Variants in NANOS1 observed in about 807,000 individuals in gnomAD.
NANOS1 encodes the protein nanos homolog 1.
NANOS1 carries 1 observed loss-of-function variant against 1.1 expected under a neutral mutation model. The ratio of observed to expected loss-of-function variants is 0.88; its 90% CI spans 0.31 to 4.20. The LOEUF is 4.20. Among genes scored for constraint, NANOS1 ranks in the 30% most tolerant of loss-of-function variants. The pLI is 0.17. For missense variants in NANOS1, 537 were observed against 457.9 expected, an observed-to-expected ratio of 1.17 and a Z score of -1.58; for synonymous variants, 252 against 230.6, an observed-to-expected ratio of 1.09 and a Z score of -0.84.
Position 119,029,793 on chromosome 10 carries a change from A to AGCCCGCC in NANOS1, c.-8_-2dup. The AGCCCGCC allele has an allele frequency of 4.8e-6, 5 of 1,035,900 alleles. No homozygotes were observed. The highest frequency in any genetic ancestry group is 5.8e-6 in the Non-Finnish European group (5 of 864,568). The allele number at this position is 1,035,900 out of a possible 1,614,324, so 64.2% of individuals were successfully genotyped here. ...GGCGGGGAGGCGGCGCGCGGCCCGC[A>AGCCCGCC]GCCCGCCCATGGAGGCTTTCCCCTG... On this transcript the variant is annotated 5_prime_UTR_variant, in exon 1 of 1. Transcript: ENST00000425699.
chr10:119,030,880 C>T lies in NANOS1; in HGVS notation c.*200C>T. On this transcript the variant is annotated 3_prime_UTR_variant, in exon 1 of 1. Coordinates refer to ENST00000425699, the MANE Select transcript of NANOS1 (RefSeq NM_199461.4). The surrounding 1 kb of genome is among the most constrained non-coding windows in gnomAD (Gnocchi z 5.3). ...GATTGGGACTAGACGCTGAAATCCC[C>T]ATTTGTCTTCAGTTTCTAGTTTGCA... is the stretch of plus-strand genomic sequence containing the variant. 2 of 721,552 alleles carry T rather than the reference C, an allele frequency of 2.8e-6. No homozygotes were observed. The highest frequency in any genetic ancestry group is 9.6e-4 in the Middle Eastern group (2 of 2,088). 44.7% of individuals were successfully genotyped at this position (721,552 alleles called of 1,614,324 possible).
chr10:119,029,900 C>A lies in NANOS1; in HGVS notation c.99C>A (p.Gly33=), dbSNP rs1307659012. The A allele has an allele frequency of 7.2e-7, 1 of 1,386,294 alleles. No individual in the cohort carries two copies. The highest frequency in any genetic ancestry group is 9.4e-7 in the Non-Finnish European group (1 of 1,065,994). The allele number at this position is 1,386,294 out of a possible 1,614,324, so 85.9% of individuals were successfully genotyped here. A position where few individuals can be genotyped will look rare whatever the true frequency, so the allele number is the denominator to read the frequency against. The stretch of plus-strand genomic sequence containing the variant: ...GCGCCCGCTACGTGAGCGCCCCGGG[C>A]CCGGCGCACCCGCAGCCCTTCAGCT... The part of the protein sequence containing the change: ...VPSARYVSAP[G]PAHPQPFSSW... Residue 33 remains glycine (G), a synonymous_variant, in exon 1 of 1, where the codon GGC becomes GGA. Transcript: ENST00000425699.
chr10:119,033,396 AC>A lies in NANOS1; in HGVS notation c.*2717del, dbSNP rs1484372636. 1.8e-5 allele frequency: 3 copies of A among 167,140 alleles called. No individual in the cohort carries two copies. The allele number at this position is 167,140 out of a possible 1,614,324, so 10.4% of individuals were successfully genotyped here. On this transcript the variant is annotated 3_prime_UTR_variant, in exon 1 of 1. Transcript: ENST00000425699. ...GGAACTTTAAACATTTTGCAAAATT[AC>A]ATTTAGAGAAACCCAATTTTTCAAA...
chr10:119,031,409 G>A lies in NANOS1; in HGVS notation c.*729G>A, dbSNP rs762227738. On this transcript the variant is annotated 3_prime_UTR_variant, in exon 1 of 1. Transcript: ENST00000425699. ...TATTTTATTACTGAACTAGCAACTA[G>A]CCTTTTCCACCTTTAAAAGTTGTGC... is the stretch of plus-strand genomic sequence containing the variant. The A allele has an allele frequency of 6.0e-6, 1 of 167,062 alleles. No individual in the cohort carries two copies. Among genetic ancestry groups the A allele is most frequent in the Non-Finnish European group, 1.5e-5 (1 of 68,120 alleles). The allele number at this position is 167,062 out of a possible 1,614,324, so 10.3% of individuals were successfully genotyped here.
In NANOS1 at chr10:119,031,684, A is replaced by G. The variant is rs1688154852; in HGVS notation, c.*1004A>G. ...CAGGGTTCCTAGTGGAGGAAAGCCC[A>G]TTCCAGCTGTTGCCTGTCAAACAAA... is the stretch of plus-strand genomic sequence containing the variant. On this transcript the variant is annotated 3_prime_UTR_variant, in exon 1 of 1. Coordinates refer to ENST00000425699, the MANE Select transcript of NANOS1 (RefSeq NM_199461.4). 1 of 166,992 alleles carries G rather than the reference A, an allele frequency of 6.0e-6. No homozygotes were observed. The highest frequency in any genetic ancestry group is 1.5e-5 in the Non-Finnish European group (1 of 68,122). 10.3% of individuals were successfully genotyped at this position (166,992 alleles called of 1,614,324 possible).
Position 119,030,300 on chromosome 10 carries a change from CCCG to C in NANOS1, c.517_519del (p.Ala173del), listed in dbSNP as rs538539239. On this transcript the variant is annotated inframe_deletion, in exon 1 of 1. Coordinates refer to ENST00000425699, the MANE Select transcript of NANOS1 (RefSeq NM_199461.4). This position sits in a 1 kb window ranked among gnomAD's most constrained non-coding sequence, Gnocchi z 5.3. ...CGCCGCCGTGCTGCTGGGCTGCGCG[CCCG>C]CCGCCGCCGCCGCCGCCACCACCAC... 1,654 of 1,137,094 alleles carry C rather than the reference CCCG, an allele frequency of 1.5e-3. No homozygotes were observed. Among genetic ancestry groups the C allele is most frequent in the East Asian group, 5.3e-3 (125 of 23,716 alleles). The allele number at this position is 1,137,094 out of a possible 1,614,324, so 70.4% of individuals were successfully genotyped here.
chr10:119,030,662 T>G lies in NANOS1; in HGVS notation c.861T>G (p.Pro287=). The change falls in exon 1 of 1, where the codon CCT becomes CCG. Residue 287 remains proline, a synonymous_variant. Transcript: ENST00000425699. The surrounding 1 kb of genome is among the most constrained non-coding windows in gnomAD (Gnocchi z 5.3). ...CCCGCAGCGCCAGGGACGGCCCGCCTGGCAAGAAGCTGCGCTGAAGGCCCG... is the reference window on the plus strand; with the variant it reads ...CCCGCAGCGCCAGGGACGGCCCGCCGGGCAAGAAGCTGCGCTGAAGGCCCG... ...PPPRSARDGP[P]GKKLR is the part of the protein sequence containing the mutation. 7.3e-7 allele frequency: 1 copy of G among 1,378,698 alleles called. No homozygotes were observed. Among genetic ancestry groups the G allele is most frequent in the Non-Finnish European group, 9.4e-7 (1 of 1,064,292 alleles). The allele number at this position is 1,378,698 out of a possible 1,614,324, so 85.4% of individuals were successfully genotyped here. A position where few individuals can be genotyped will look rare whatever the true frequency, so the allele number is the denominator to read the frequency against.
rs2119808402 is a variant in NANOS1 at position 119,030,376 on chromosome 10, A to G, written c.575A>G (p.Glu192Gly). 6 of 988,140 alleles carry G rather than the reference A, an allele frequency of 6.1e-6. No individual in the cohort carries two copies. Among genetic ancestry groups the G allele is most frequent in the East Asian group, 9.4e-5 (1 of 10,690 alleles). 61.2% of individuals were successfully genotyped at this position (988,140 alleles called of 1,614,324 possible). A position where few individuals can be genotyped will look rare whatever the true frequency, so the allele number is the denominator to read the frequency against. The change falls in exon 1 of 1, where the codon GAG becomes GGG. Residue 192 changes from glutamate (E) to glycine (G), a missense_variant. Physicochemically the swap from Glu to Gly is moderately conservative, Grantham distance 98. Coordinates refer to ENST00000425699, the MANE Select transcript of NANOS1 (RefSeq NM_199461.4). The surrounding 1 kb of genome is among the most constrained non-coding windows in gnomAD (Gnocchi z 5.3). ...GAGCGGGCCCCGGCGTGGGCGGCCG[A>G]GCCCCGGCTGCACGCGGCCTCCGGG... Reference protein sequence around the residue: ...REERAPAWAAEPRLHAASGAA... With the variant: ...REERAPAWAAGPRLHAASGAA...
At position 119,031,253 on chromosome 10, in the gene NANOS1, T is replaced by G. The variant is rs558869775; in HGVS notation, c.*573T>G. ...GCATCACCCTTATGAGAAGTGAAGGTTTTGTAAACTTTCCAGTATTAATTT... is the reference window on the plus strand; with the variant it reads ...GCATCACCCTTATGAGAAGTGAAGGGTTTGTAAACTTTCCAGTATTAATTT... On this transcript the variant is annotated 3_prime_UTR_variant, in exon 1 of 1. Transcript: ENST00000425699. 1.0e-4 allele frequency: 17 copies of G among 167,178 alleles called. No homozygotes were observed. The highest frequency in any genetic ancestry group is 4.1e-4 in the African/African-American group (17 of 41,574). The allele number at this position is 167,178 out of a possible 1,614,324, so 10.4% of individuals were successfully genotyped here.
At position 119,031,170 on chromosome 10, in the gene NANOS1, T is replaced by G; in HGVS notation, c.*490T>G. On this transcript the variant is annotated 3_prime_UTR_variant, in exon 1 of 1. Transcript: ENST00000425699. Reference sequence around the variant, plus strand: ...TTTTATTGTTTGAAGCGAGTTAATATTCTCAGTTGTCTTTAAAAATCAGTT... The same window carrying G: ...TTTTATTGTTTGAAGCGAGTTAATAGTCTCAGTTGTCTTTAAAAATCAGTT... 6.0e-6 allele frequency: 1 copy of G among 167,918 alleles called. No homozygotes were observed. The highest frequency in any genetic ancestry group is 1.5e-5 in the Non-Finnish European group (1 of 68,610). 10.4% of individuals were successfully genotyped at this position (167,918 alleles called of 1,614,324 possible). A position where few individuals can be genotyped will look rare whatever the true frequency, so the allele number is the denominator to read the frequency against.
rs994110436 is a variant in NANOS1 at position 119,031,456 on chromosome 10, A to G, written c.*776A>G. 1 of 167,134 alleles carries G rather than the reference A, an allele frequency of 6.0e-6. No individual in the cohort carries two copies. Among genetic ancestry groups the G allele is most frequent in the Non-Finnish European group, 1.5e-5 (1 of 68,136 alleles). The allele number at this position is 167,134 out of a possible 1,614,324, so 10.4% of individuals were successfully genotyped here. A position where few individuals can be genotyped will look rare whatever the true frequency, so the allele number is the denominator to read the frequency against. Reference sequence around the variant, plus strand: ...GTGCCAAGTCATAATCATATTGTGTATAACTTGGAAATGGTGCTGTTTAAA... The same window carrying G: ...GTGCCAAGTCATAATCATATTGTGTGTAACTTGGAAATGGTGCTGTTTAAA... On this transcript the variant is annotated 3_prime_UTR_variant, in exon 1 of 1. Transcript: ENST00000425699.
rs566015656 is a variant in NANOS1 at position 119,032,345 on chromosome 10, T to C, written c.*1665T>C. The C allele has an allele frequency of 6.0e-6, 1 of 167,008 alleles. No homozygotes were observed. The highest frequency in any genetic ancestry group is 1.5e-5 in the Non-Finnish European group (1 of 68,120). The allele number at this position is 167,008 out of a possible 1,614,324, so 10.3% of individuals were successfully genotyped here. Reference sequence around the variant, plus strand: ...GGGGGGCAGGAGGAAAGCACAATGTTTCTTAGCCAGGAAAGACAAATAATC... The same window carrying C: ...GGGGGGCAGGAGGAAAGCACAATGTCTCTTAGCCAGGAAAGACAAATAATC... On this transcript the variant is annotated 3_prime_UTR_variant, in exon 1 of 1. Coordinates refer to ENST00000425699, the MANE Select transcript of NANOS1 (RefSeq NM_199461.4).
rs1564744988 is a variant in NANOS1 at position 119,030,614 on chromosome 10, G to T, written c.813G>T (p.Pro271=). The T allele has an allele frequency of 1.4e-6, 2 of 1,473,792 alleles. No individual in the cohort carries two copies. The highest frequency in any genetic ancestry group is 1.8e-6 in the Non-Finnish European group (2 of 1,114,540). The allele number at this position is 1,473,792 out of a possible 1,614,324, so 91.3% of individuals were successfully genotyped here. Residue 271 remains proline, a synonymous_variant, in exon 1 of 1, where the codon CCG becomes CCT. Coordinates refer to ENST00000425699, the MANE Select transcript of NANOS1 (RefSeq NM_199461.4). The surrounding 1 kb of genome is among the most constrained non-coding windows in gnomAD (Gnocchi z 5.3). ...TIKYCPLSKV[P]PPPARPPPRS... is the part of the protein sequence containing the mutation. The stretch of plus-strand genomic sequence containing the variant: ...AGTACTGCCCGCTCTCCAAAGTGCC[G>T]CCGCCGCCCGCCCGCCCGCCGCCCC...
Position 119,030,665 on chromosome 10 carries a change from C to G in NANOS1, c.864C>G (p.Gly288=). Residue 288 remains glycine, a synonymous_variant, in exon 1 of 1, where the codon GGC becomes GGG. Transcript: ENST00000425699. This position sits in a 1 kb window ranked among gnomAD's most constrained non-coding sequence, Gnocchi z 5.3. ...PPRSARDGPP[G]KKLR is the part of the protein sequence containing the mutation. Reference sequence around the variant, plus strand: ...GCAGCGCCAGGGACGGCCCGCCTGGCAAGAAGCTGCGCTGAAGGCCCGGGC... The same window carrying G: ...GCAGCGCCAGGGACGGCCCGCCTGGGAAGAAGCTGCGCTGAAGGCCCGGGC... 7.3e-7 allele frequency: 1 copy of G among 1,365,402 alleles called. No individual in the cohort carries two copies. Among genetic ancestry groups the G allele is most frequent in the African/African-American group, 1.5e-5 (1 of 66,544 alleles). 84.6% of individuals were successfully genotyped at this position (1,365,402 alleles called of 1,614,324 possible). A position where few individuals can be genotyped will look rare whatever the true frequency, so the allele number is the denominator to read the frequency against.
Position 119,030,904 on chromosome 10 carries a change from C to G in NANOS1, c.*224C>G. ...CCATTTGTCTTCAGTTTCTAGTTTG[C>G]ACATCCAGAACGGCGAAGGCTGGGT... is the stretch of plus-strand genomic sequence containing the variant. On this transcript the variant is annotated 3_prime_UTR_variant, in exon 1 of 1. Transcript: ENST00000425699. The surrounding 1 kb of genome is among the most constrained non-coding windows in gnomAD (Gnocchi z 5.3). The G allele has an allele frequency of 1.7e-6, 1 of 596,770 alleles. No individual in the cohort carries two copies. The highest frequency in any genetic ancestry group is 2.5e-6 in the Non-Finnish European group (1 of 405,862). The allele number at this position is 596,770 out of a possible 1,614,324, so 37.0% of individuals were successfully genotyped here.
At position 119,030,104 on chromosome 10, in the gene NANOS1, G is replaced by T. The variant is rs536896945; in HGVS notation, c.303G>T (p.Gly101=). 1.9e-5 allele frequency: 25 copies of T among 1,323,118 alleles called. No homozygotes were observed. The highest frequency in any genetic ancestry group is 4.8e-6 in the Non-Finnish European group (5 of 1,041,978). The allele number at this position is 1,323,118 out of a possible 1,614,324, so 82.0% of individuals were successfully genotyped here. Residue 101 remains glycine (G), a synonymous_variant, in exon 1 of 1, where the codon GGG becomes GGT. Coordinates refer to ENST00000425699, the MANE Select transcript of NANOS1 (RefSeq NM_199461.4). This position sits in a 1 kb window ranked among gnomAD's most constrained non-coding sequence, Gnocchi z 5.3. ...CTGGGGCGCTGGGGCCGGCGCTGGG[G>T]CCGCCCGACTACGACGAGGACGACG... ...AGPGALGPAL[G]PPDYDEDDDD...
At position 119,029,870 on chromosome 10, in the gene NANOS1, G is replaced by T; in HGVS notation, c.69G>T (p.Val23=). ...RGRAPPPMAL[V]PSARYVSAPG... is the part of the protein sequence containing the mutation. ...GCGCCCCCCCGCCCATGGCGCTCGT[G>T]CCCAGCGCCCGCTACGTGAGCGCCC... Residue 23 remains valine (V), a synonymous_variant, in exon 1 of 1, where the codon GTG becomes GTT. Transcript: ENST00000425699. The T allele has an allele frequency of 7.8e-7, 1 of 1,279,972 alleles. No individual in the cohort carries two copies. Among genetic ancestry groups the T allele is most frequent in the Non-Finnish European group, 9.8e-7 (1 of 1,016,934 alleles). 79.3% of individuals were successfully genotyped at this position (1,279,972 alleles called of 1,614,324 possible). A position where few individuals can be genotyped will look rare whatever the true frequency, so the allele number is the denominator to read the frequency against.
Position 119,030,189 on chromosome 10 carries a change from C to CGCGCGCTGGAGCTGT in NANOS1, c.394_408dup (p.Leu132_Ala136dup). On this transcript the variant is annotated inframe_insertion, in exon 1 of 1. Coordinates refer to ENST00000425699, the MANE Select transcript of NANOS1 (RefSeq NM_199461.4). This position sits in a 1 kb window ranked among gnomAD's most constrained non-coding sequence, Gnocchi z 5.3. ...CTACCTGGGGAGCGCGCTGGAATTGCGCGCGCTGGAGCTGTGCGCGGGCCC... is the reference window on the plus strand; with the variant it reads ...CTACCTGGGGAGCGCGCTGGAATTGCGCGCGCTGGAGCTGTGCGCGCTGGAGCTGTGCGCGGGCCC... The CGCGCGCTGGAGCTGT allele has an allele frequency of 7.5e-7, 1 of 1,339,060 alleles. No individual in the cohort carries two copies. Among genetic ancestry groups the CGCGCGCTGGAGCTGT allele is most frequent in the African/African-American group, 1.5e-5 (1 of 65,384 alleles). 82.9% of individuals were successfully genotyped at this position (1,339,060 alleles called of 1,614,324 possible). A position where few individuals can be genotyped will look rare whatever the true frequency, so the allele number is the denominator to read the frequency against.
In NANOS1 at chr10:119,030,865, A is replaced by G. The variant is rs183191544; in HGVS notation, c.*185A>G. 55 of 812,764 alleles carry G rather than the reference A, an allele frequency of 6.8e-5. No individual in the cohort carries two copies. The East Asian group carries it at 1.9e-3, about 28-fold the overall frequency. The allele number at this position is 812,764 out of a possible 1,614,324, so 50.3% of individuals were successfully genotyped here. ...ACTTCCGTGCTGAACGATTGGGACT[A>G]GACGCTGAAATCCCCATTTGTCTTC... On this transcript the variant is annotated 3_prime_UTR_variant, in exon 1 of 1. Transcript: ENST00000425699. This position sits in a 1 kb window ranked among gnomAD's most constrained non-coding sequence, Gnocchi z 5.3.
Sources: gnomAD v4.1 joint callset for allele counts on GRCh38, gnomAD v4.1.1 for gene constraint, Gnocchi (gnomAD v3.1) non-coding constraint, MANE v1.5 for transcripts, NCBI Gene and HGNC (gene_info 2026-07-23, HGNC 2026-07-21) for gene names.